C12orf42: variants seen among roughly 807,000 people sequenced by gnomAD.
C12orf42 encodes the protein uncharacterized protein C12orf42.
In C12orf42, 25 loss-of-function variants were observed where a neutral mutation model predicts 21.6. The ratio of observed to expected loss-of-function variants is 1.16; its 90% CI spans 0.84 to 1.62. The LOEUF is 1.62. C12orf42 is among the 40% of genes most tolerant of loss of function. The probability of loss-of-function intolerance (pLI) is 0.00; values close to 1 mark genes in which losing one functional copy is unlikely to be tolerated. For synonymous variants in C12orf42, 174 were observed against 175.0 expected (o/e 0.99, Z 0.05); for missense variants, 483 against 459.3 (o/e 1.05, Z -0.47).
At chr12:103,274,068 A>C (rs1171874121) in intron 5 of C12orf42, among the ~76,000 whole-genome samples, 1 of 152,164 alleles carries the variant, frequency 6.6e-6, no homozygotes, top group Non-Finnish European at 1.5e-5. Flanking sequence ...GGGCTTATTC[A>C]GGGACAGAAA....
intron 1 of C12orf42, among the ~76,000 whole-genome samples, chr12:103,482,861 T>C (rs984837616): frequency 6.6e-6 from 1 of 152,132 alleles, no homozygotes; most frequent in African/African-American, 2.4e-5. Context: ...TCCAGTTCAT[T>C]AAACTCTTCT....
intron 3 of C12orf42, among the ~76,000 whole-genome samples, chr12:103,395,309 T>C (rs553169752): frequency 9.9e-5 from 15 of 151,942 alleles, no homozygotes; most frequent in Admixed American, 7.2e-4. Flanking sequence ...AGAACACTAA[T>C]AGAAATGTGG....
downstream of C12orf42, among the ~76,000 whole-genome samples, chr12:103,235,984 G>A (rs1298503639): frequency 1.3e-5 from 2 of 152,170 alleles, no homozygotes; most frequent in Non-Finnish European, 2.9e-5. Context: ...AATAAGGTAA[G>A]TCATGCAAGA....
the C12orf42 span, among the ~76,000 whole-genome samples, chr12:103,102,690 T>C: frequency 6.6e-6 from 1 of 152,244 alleles, no homozygotes. Flanking sequence ...TGTATAAAGT[T>C]AGCACAAATT....
downstream of C12orf42, among the ~76,000 whole-genome samples, chr12:103,301,158 C>CTG (rs1566032000): frequency 6.6e-6 from 1 of 152,018 alleles, no homozygotes; most frequent in African/African-American, 2.4e-5. Context: ...TGTAATCATA[C>CTG]TGTGTATATT....
intron 4 of C12orf42, among the ~76,000 whole-genome samples, chr12:103,277,601 A>C (rs1199487122): frequency 7.9e-5 from 12 of 151,642 alleles, no homozygotes; most frequent in Non-Finnish European, 1.5e-5. Context: ...CTTGATGGGC[A>C]CAATTTTCTT....
intron 2 of C12orf42, among the ~76,000 whole-genome samples, chr12:103,469,924 TA>T (rs1953458464): frequency 6.6e-6 from 1 of 152,208 alleles, no homozygotes; most frequent in African/African-American, 2.4e-5. Context: ...TTATTATATA[TA>T]GCTCAGTTTG....
chr12:103,361,282 T>G (rs960727087), intron 4 of C12orf42, among the ~76,000 whole-genome samples: 1 of 152,058 alleles, frequency 6.6e-6, no homozygotes, highest in African/African-American at 2.4e-5. Flanking sequence ...AGGTCTAGAT[T>G]AAGGGAAAAG....
intron 2 of C12orf42, among the ~76,000 whole-genome samples, chr12:103,415,368 C>A (rs2049222067): frequency 6.6e-6 from 1 of 152,062 alleles, no homozygotes. Flanking sequence ...GACAAATCAT[C>A]AAGGCAGAAA....
chr12:103,553,536 A>G, the C12orf42 span, among the ~76,000 whole-genome samples: 1 of 152,232 alleles, frequency 6.6e-6, no homozygotes, highest in African/African-American at 2.4e-5. Flanking sequence ...CTTCACCAGC[A>G]ACATTGTATA....
chr12:103,060,978 C>T, the C12orf42 span, among the ~76,000 whole-genome samples: 1 of 152,172 alleles, frequency 6.6e-6, no homozygotes, highest in Non-Finnish European at 1.5e-5. Context: ...CAAATGGGAT[C>T]TAATTAAATT....
Position 103,462,918 on chromosome 12 carries a change from G to A in C12orf42, c.78+15431C>T, listed in dbSNP as rs560626051. 2.1e-4 allele frequency among the ~76,000 whole-genome samples: 32 copies of A among 152,296 alleles called. No homozygotes were observed. The East Asian group carries it at 6.2e-3, about 29-fold the overall frequency. ...GATCACAGCAATGACTAAGAGCTGT[G>A]CTTTTGGAACTACCCCTGGTAGGTT... On this transcript the variant is annotated intron_variant, in intron 2 of 5. Transcript: ENST00000548883.
the C12orf42 span, among the ~76,000 whole-genome samples, chr12:103,182,507 A>G: frequency 3.9e-5 from 6 of 152,216 alleles, no homozygotes; most frequent in Non-Finnish European, 7.3e-5. Flanking sequence ...ATGTGATAGC[A>G]TTGCATTCAG....
At chr12:103,532,356 G>T in the C12orf42 span, among the ~76,000 whole-genome samples, 1 of 152,158 alleles carries the variant, frequency 6.6e-6, no homozygotes, top group Non-Finnish European at 1.5e-5. Flanking sequence ...CCAAAACTGT[G>T]TATGGTATGA....
chr12:103,117,402 T>C, the C12orf42 span, among the ~76,000 whole-genome samples: 2 of 152,242 alleles, frequency 1.3e-5, no homozygotes, highest in Non-Finnish European at 2.9e-5. Flanking sequence ...CTTTTTGCCA[T>C]GAGAATTCCA....
chr12:103,486,874 T>A (rs1364482325), intron 1 of C12orf42, among the ~76,000 whole-genome samples: 1 of 152,226 alleles, frequency 6.6e-6, no homozygotes, highest in African/African-American at 2.4e-5. Flanking sequence ...TTGCTAGCAG[T>A]CTATCAATTT....
At chr12:103,274,455 C>T (rs904522922) in intron 5 of C12orf42, among the ~76,000 whole-genome samples, 1 of 151,964 alleles carries the variant, frequency 6.6e-6, no homozygotes, top group Non-Finnish European at 1.5e-5. Context: ...TTTTTCTTTC[C>T]CTTAGAAGTC....
At chr12:103,408,931 T>C (rs1176487376) in intron 2 of C12orf42, among the ~76,000 whole-genome samples, 1 of 152,198 alleles carries the variant, frequency 6.6e-6, no homozygotes, top group African/African-American at 2.4e-5. Context: ...TATAAATAAA[T>C]GCTCATAATT....
At chr12:103,328,297 G>A (rs2040894188) in intron 4 of C12orf42, among the ~76,000 whole-genome samples, 1 of 151,928 alleles carries the variant, frequency 6.6e-6, no homozygotes, top group Non-Finnish European at 1.5e-5. Flanking sequence ...TTCAAGTTAT[G>A]TGCTGATTTC....
Sources: gnomAD v4.1 joint callset for allele counts (sites outside exome capture counted in the v4.1 genomes callset) on GRCh38, gnomAD v4.1.1 for gene constraint, MANE v1.5 for transcripts, NCBI Gene and HGNC (gene_info 2026-07-23, HGNC 2026-07-21) for gene names.